The following CACNA1C variants were observed in gnomAD, a reference collection of about 807,000 sequenced individuals.
CACNA1C encodes voltage-dependent L-type calcium channel subunit alpha-1C.
CACNA1C carries 30 observed loss-of-function variants against 229.0 expected under a neutral mutation model. The observed-to-expected ratio is 0.13, with a 90% CI of 0.10 to 0.18. The LOEUF is 0.18. Among genes scored for constraint, CACNA1C ranks in the 10% least tolerant of loss-of-function variants. CACNA1C has a pLI of 1.00. For synonymous variants in CACNA1C, 1,114 were observed against 1,132.5 expected, an observed-to-expected ratio of 0.98 and a Z score of 0.33; for missense variants, 1,658 against 2,845.0, an observed-to-expected ratio of 0.58 and a Z score of 9.49.
In CACNA1C at chr12:2,537,971, C is replaced by T. The variant is rs937505420; in HGVS notation, c.1391-11972C>T. On this transcript the variant is annotated intron_variant, in intron 9 of 46. Coordinates refer to ENST00000399655, the MANE Select transcript of CACNA1C (RefSeq NM_000719.7). ...TAAACTTACTGCCCCTGCCCCCTCC[C>T]GGCCCCATCCACCTCCCCGCCAACC... is the stretch of plus-strand genomic sequence containing the variant. Among the ~76,000 whole-genome samples the T allele has an allele frequency of 8.5e-5, 13 of 152,112 alleles. No individual in the cohort carries two copies. In the East Asian group the frequency reaches 9.7e-4, roughly 11 times the overall value.
chr12:2,213,982 G>A (rs1470216512), intron 3 of CACNA1C, among the ~76,000 whole-genome samples: 4 of 149,114 alleles, frequency 2.7e-5, no homozygotes, highest in African/African-American at 1.0e-4. Context: ...GAGTTTGGGA[G>A]AGGAGATTTG....
chr12:1,997,057 A>G, intron 1 of CACNA1C, among the ~76,000 whole-genome samples: 1 of 152,340 alleles, frequency 6.6e-6, no homozygotes, highest in East Asian at 1.9e-4. Context: ...GCCAATATAC[A>G]TAATGTATGT....
chr12:2,428,686 C>G (rs2099055231), intron 3 of CACNA1C, among the ~76,000 whole-genome samples: 1 of 152,218 alleles, frequency 6.6e-6, no homozygotes, highest in South Asian at 2.1e-4. Flanking sequence ...GAACTTGCAA[C>G]CCAATGAGAT....
At chr12:2,506,734 G>A (rs1031956061) in intron 8 of CACNA1C, among the ~76,000 whole-genome samples, 1 of 152,116 alleles carries the variant, frequency 6.6e-6, no homozygotes. Flanking sequence ...TCAAGGCACC[G>A]CCTCCCATGA....
chr12:2,137,257 G>A (rs1383951208), intron 3 of CACNA1C, among the ~76,000 whole-genome samples: 2 of 151,360 alleles, frequency 1.3e-5, no homozygotes, highest in African/African-American at 4.8e-5. Context: ...TTCTACCTCT[G>A]CCTGGTGGCA....
Position 2,389,677 on chromosome 12 carries a change from G to T in CACNA1C, c.478-59299G>T, listed in dbSNP as rs115967646. On this transcript the variant is annotated intron_variant, in intron 3 of 46. Transcript: ENST00000399655. Reference sequence around the variant, plus strand: ...GCAGAGACTCCATTGCCTCCTAATTGTCTACACTTGGGGCCTCCATTTTTC... The same window carrying T: ...GCAGAGACTCCATTGCCTCCTAATTTTCTACACTTGGGGCCTCCATTTTTC... Among the ~76,000 whole-genome samples, 1,314 of 152,206 alleles carry T rather than the reference G, an allele frequency of 8.6e-3. 27 individuals carry two copies. The highest frequency in any genetic ancestry group is 0.03 in the African/African-American group (1,234 of 41,524).
At chr12:2,254,670 A>C (rs2076732950) in intron 3 of CACNA1C, among the ~76,000 whole-genome samples, 1 of 152,158 alleles carries the variant, frequency 6.6e-6, no homozygotes, top group Admixed American at 6.5e-5. Flanking sequence ...GGAAAAGAAA[A>C]AAGCCACTCA....
At chr12:2,021,098 A>T (rs1361860160) in intron 1 of CACNA1C, among the ~76,000 whole-genome samples, 1 of 152,234 alleles carries the variant, frequency 6.6e-6, no homozygotes, top group East Asian at 1.9e-4. Flanking sequence ...CTAATCACTA[A>T]TTATCACTCA....
chr12:2,603,904 T>C (rs1331771805), intron 22 of CACNA1C: 1 of 152,256 alleles, frequency 6.6e-6, no homozygotes, highest in African/African-American at 2.4e-5. Flanking sequence ...CAAAAAAGTA[T>C]GGACAGCCAT....
intron 9 of CACNA1C, among the ~76,000 whole-genome samples, chr12:2,546,454 T>C (rs1211310791): frequency 6.6e-6 from 1 of 152,218 alleles, no homozygotes; most frequent in African/African-American, 2.4e-5. Context: ...CAGTTGCTGG[T>C]GTCTTCACAC....
intron 1 of CACNA1C, chr12:1,990,986 A>T (rs1220179664): frequency 4.2e-6 from 1 of 240,664 alleles, no homozygotes. Flanking sequence ...AGAAAGGACA[A>T]AAAAAAAAAA....
At chr12:2,402,308 G>A (rs1175939481) in intron 3 of CACNA1C, among the ~76,000 whole-genome samples, 1 of 152,242 alleles carries the variant, frequency 6.6e-6, no homozygotes, top group Non-Finnish European at 1.5e-5. Flanking sequence ...TGAGTTGAGC[G>A]CCACGTGCAA....
At chr12:2,224,340 A>G (rs1271905410) in intron 3 of CACNA1C, among the ~76,000 whole-genome samples, 1 of 152,184 alleles carries the variant, frequency 6.6e-6, no homozygotes, top group Non-Finnish European at 1.5e-5. Flanking sequence ...CTGTATCTTC[A>G]TTCTAGAGCT....
At chr12:2,245,115 T>A (rs2072509555) in intron 3 of CACNA1C, among the ~76,000 whole-genome samples, 1 of 152,178 alleles carries the variant, frequency 6.6e-6, no homozygotes, top group South Asian at 2.1e-4. Context: ...AGCATGGCCA[T>A]GTGGAGGGGC....
intron 1 of CACNA1C, among the ~76,000 whole-genome samples, chr12:2,058,709 A>G (rs2056245978): frequency 3.3e-5 from 5 of 152,254 alleles, no homozygotes. Context: ...TAAAACAAGT[A>G]AAAGTGACAG....
intron 1 of CACNA1C, among the ~76,000 whole-genome samples, chr12:2,078,516 A>C (rs1043708440): frequency 2.6e-5 from 4 of 152,220 alleles, no homozygotes; most frequent in Admixed American, 2.6e-4. Flanking sequence ...TATTTATATG[A>C]GGTATCTAAA....
At chr12:2,581,206 G>A (rs2060368246) in intron 13 of CACNA1C, among the ~76,000 whole-genome samples, 3 of 152,226 alleles carry the variant, frequency 2.0e-5, no homozygotes. Flanking sequence ...TTGGGGAAAG[G>A]TGGATCATGT....
chr12:2,486,364 A>G lies in CACNA1C; in HGVS notation c.916+102A>G, dbSNP rs1171036255. 1.1e-6 allele frequency: 1 copy of G among 941,720 alleles called. No homozygotes were observed. The highest frequency in any genetic ancestry group is 1.6e-6 in the Non-Finnish European group (1 of 634,952). 58.3% of individuals were successfully genotyped at this position (941,720 alleles called of 1,614,324 possible). On this transcript the variant is annotated intron_variant, in intron 6 of 46. Coordinates refer to ENST00000399655, the MANE Select transcript of CACNA1C (RefSeq NM_000719.7). The surrounding 1 kb of genome is among the most constrained non-coding windows in gnomAD (Gnocchi z 4.9). ...CCAACATGACCAGCAGAGCCCAGGG[A>G]AGGCCCCATTCATTCAGACACACAC...
intron 3 of CACNA1C, among the ~76,000 whole-genome samples, chr12:2,349,512 G>A (rs2097145455): frequency 6.6e-6 from 1 of 152,132 alleles, no homozygotes; most frequent in Non-Finnish European, 1.5e-5. Context: ...TTTGAGTAGG[G>A]GCGCAGCATG....
Sources: gnomAD v4.1 joint callset for allele counts (sites outside exome capture counted in the v4.1 genomes callset) on GRCh38, gnomAD v4.1.1 for gene constraint, Gnocchi (gnomAD v3.1) non-coding constraint, MANE v1.5 for transcripts, NCBI Gene and HGNC (gene_info 2026-07-23, HGNC 2026-07-21) for gene names.